PDIA6: variants seen among roughly 807,000 people sequenced by gnomAD.
PDIA6 encodes protein disulfide isomerase family A member 6.
In PDIA6, 29 loss-of-function variants were observed where a neutral mutation model predicts 58.4. That is an observed-to-expected ratio of 0.50 (90% CI 0.37 to 0.68). The LOEUF is 0.68. Among genes scored for constraint, PDIA6 ranks in the 30% least tolerant of loss-of-function variants. The pLI, the probability that PDIA6 is intolerant of heterozygous loss-of-function variation, is 0.00. For missense variants in PDIA6, 480 were observed against 551.0 expected (o/e 0.87, Z 1.29); for synonymous variants, 192 against 202.6 (o/e 0.95, Z 0.44).
At position 10,789,763 on chromosome 2, in the gene PDIA6, G is replaced by A; in HGVS notation, c.826C>T (p.Pro276Ser). Residue 276 changes from proline to serine, a missense_variant, in exon 8 of 13, where the codon CCT (proline) becomes TCT (serine). Transcript: ENST00000272227. ...LDLFSDNAPP[P>S]ELLEIINEDI... Reference sequence around the variant, plus strand: ...AAGTGGTTTACCTCAAGCAGCTCAGGAGGTGGGGCGTTATCAGAAAACAAA... The same window carrying A: ...AAGTGGTTTACCTCAAGCAGCTCAGAAGGTGGGGCGTTATCAGAAAACAAA... 2.5e-6 allele frequency: 4 copies of A among 1,613,830 alleles called. No individual in the cohort carries two copies. The highest frequency in any genetic ancestry group is 3.4e-6 in the Non-Finnish European group (4 of 1,179,846).
intron 1 of PDIA6, among the ~76,000 whole-genome samples, chr2:10,829,603 C>A (rs1667648837): frequency 6.6e-6 from 1 of 152,186 alleles, no homozygotes; most frequent in South Asian, 2.1e-4. Flanking sequence ...CAAATCCTGC[C>A]AAATTTGAAA....
At chr2:10,787,200 A>C in intron 11 of PDIA6, 81 bp downstream of exon 11, 1 of 1,184,078 alleles carries the variant, frequency 8.4e-7, no homozygotes. Context: ...CCTGGCTTAT[A>C]TATACCTAGT....
intron 1 of PDIA6, among the ~76,000 whole-genome samples, chr2:10,827,530 A>G (rs1006934708): frequency 6.6e-6 from 1 of 152,246 alleles, no homozygotes; most frequent in East Asian, 1.9e-4. Context: ...AGGTTTTCAG[A>G]AGAAATATAA....
chr2:10,802,148 A>G (rs1004282878), intron 2 of PDIA6, among the ~76,000 whole-genome samples: 3 of 152,224 alleles, frequency 2.0e-5, no homozygotes, highest in African/African-American at 7.2e-5. Flanking sequence ...CATTGAATGT[A>G]AGGTAAGAAA....
At chr2:10,816,077 C>CTTTTTTTTTTTTTTTTTT (rs57404091), upstream of PDIA6, among the ~76,000 whole-genome samples, 9 of 96,470 alleles carry the variant, frequency 9.3e-5, no homozygotes, top group African/African-American at 4.0e-4. Flanking sequence ...AATCATTTGT[C>CTTTTTTTTTTTTTTTTTT]TTTTTTTTTT....
rs768901473 is a variant in PDIA6 at position 10,812,714 on chromosome 2, G to A, written c.-18C>T. On this transcript the variant is annotated 5_prime_UTR_variant, in exon 1 of 13. The change creates a new upstream start codon in the 5' untranslated region. Coordinates refer to ENST00000272227, the MANE Select transcript of PDIA6 (RefSeq NM_005742.4). ...AGAGCCATGCCGAGCGCCGGGCTAC[G>A]TGCAGTCCCCACCGCCGCCGCCGCT... 27 of 1,514,008 alleles carry A rather than the reference G, an allele frequency of 1.8e-5. No homozygotes were observed. The Admixed American group carries it at 3.6e-4, about 20-fold the overall frequency. 93.8% of individuals were successfully genotyped at this position (1,514,008 alleles called of 1,614,324 possible).
intron 2 of PDIA6, among the ~76,000 whole-genome samples, chr2:10,798,602 C>T (rs1666373920): frequency 6.6e-6 from 1 of 150,530 alleles, no homozygotes; most frequent in African/African-American, 2.4e-5. Flanking sequence ...TTCCGAATTA[C>T]TGCTCAATTA....
chr2:10,812,825 G>C (rs985321968), upstream of PDIA6: 3 of 1,179,618 alleles, frequency 2.5e-6, no homozygotes, highest in African/African-American at 4.8e-5. Context: ...CGGCCGCGCG[G>C]GGGCGGGCCG....
intron 1 of PDIA6, among the ~76,000 whole-genome samples, chr2:10,825,315 T>G (rs1220162811): frequency 6.6e-6 from 1 of 151,786 alleles, no homozygotes; most frequent in Non-Finnish European, 1.5e-5. Context: ...TGTATATATA[T>G]ATCCTATTAG....
chr2:10,817,105 C>A (rs371876068), upstream of PDIA6, among the ~76,000 whole-genome samples: 2 of 152,196 alleles, frequency 1.3e-5, no homozygotes, highest in Non-Finnish European at 2.9e-5. Context: ...GCTGCTCCAG[C>A]CCGCTAGGAT....
chr2:10,799,014 G>C (rs1490930933), intron 2 of PDIA6, among the ~76,000 whole-genome samples: 1 of 149,196 alleles, frequency 6.7e-6, no homozygotes, highest in Non-Finnish European at 1.5e-5. Flanking sequence ...TGACTGAGGT[G>C]GGGGGAGGCA....
At chr2:10,816,580 CT>C (rs1385485627), upstream of PDIA6, among the ~76,000 whole-genome samples, 3 of 150,870 alleles carry the variant, frequency 2.0e-5, no homozygotes, top group Non-Finnish European at 2.9e-5. Context: ...CACCTCCCCA[CT>C]TTTAAAAATA....
Position 10,821,065 on chromosome 2 carries a change from G to A in PDIA6, c.-47-1711C>T, listed in dbSNP as rs144762481. On this transcript the variant is annotated intron_variant, in intron 1 of 13. Coordinates refer to the PDIA6 transcript ENST00000381611. Reference sequence around the variant, plus strand: ...GATGGCCACAGAATTTTCAGGTCGTGTTTTAAAACAGCCTTCGGAGATTTG... The same window carrying A: ...GATGGCCACAGAATTTTCAGGTCGTATTTTAAAACAGCCTTCGGAGATTTG... 1,227 of 524,182 alleles carry A rather than the reference G, an allele frequency of 2.3e-3. 12 individuals are homozygous for A. The highest frequency in any genetic ancestry group is 0.02 in the African/African-American group (1,051 of 51,724). 32.5% of individuals were successfully genotyped at this position (524,182 alleles called of 1,614,324 possible).
intron 2 of PDIA6, among the ~76,000 whole-genome samples, chr2:10,798,847 TG>T (rs1666382877): frequency 1.3e-5 from 2 of 152,328 alleles, no homozygotes; most frequent in African/African-American, 4.8e-5. Flanking sequence ...ATTTTATATA[TG>T]AAGTATCTGG....
chr2:10,815,692 A>G (rs954362465), upstream of PDIA6: 1 of 151,922 alleles, frequency 6.6e-6, no homozygotes, highest in African/African-American at 2.4e-5. Context: ...CTACAGGTGC[A>G]CATCACCATT....
chr2:10,789,951 T>A (rs1665955952), intron 7 of PDIA6, 62 bp from the exon 8 acceptor site: 9 of 1,478,512 alleles, frequency 6.1e-6, no homozygotes, highest in Non-Finnish European at 8.4e-6. Flanking sequence ...AACACAATCT[T>A]TACAGTTTCT....
At position 10,797,342 on chromosome 2, in the gene PDIA6, C is replaced by T. The variant is rs1666310793; in HGVS notation, c.220-135G>A. On this transcript the variant is annotated intron_variant, in intron 3 of 12. Transcript: ENST00000272227. ...GCAGTTTGCAATCAGTCAATAAGGG[C>T]TTTAGCCTTGAACACCAGAAGAGAA... The T allele has an allele frequency of 5.0e-6, 4 of 794,040 alleles. 1 individual carries two copies. The South Asian group carries it at 7.6e-5, about 15-fold the overall frequency. The allele number at this position is 794,040 out of a possible 1,614,324, so 49.2% of individuals were successfully genotyped here.
chr2:10,812,792 G>A (rs1667066100), upstream of PDIA6: 1 of 1,237,338 alleles, frequency 8.1e-7, no homozygotes, highest in South Asian at 3.0e-5. Context: ...TCCCGCCCCA[G>A]GCCAGTCCGG....
chr2:10,814,303 C>G (rs1278741105), upstream of PDIA6, among the ~76,000 whole-genome samples: 1 of 152,206 alleles, frequency 6.6e-6, no homozygotes, highest in Non-Finnish European at 1.5e-5. Flanking sequence ...ACGGGGGCCT[C>G]TCCTGGAAGC....
Sources: allele counts gnomAD v4.1 joint callset (sites outside exome capture counted in the v4.1 genomes callset), GRCh38; gene constraint gnomAD v4.1.1; transcripts MANE v1.5; gene names NCBI Gene and HGNC (gene_info 2026-07-23, HGNC 2026-07-21).